Variants in LPP observed in about 807,000 individuals in gnomAD.
LPP encodes lipoma-preferred partner.
In LPP, 38 loss-of-function variants were observed where a neutral mutation model predicts 60.4. That is an observed-to-expected ratio of 0.63 (90% confidence interval 0.49 to 0.83). LPP has a LOEUF of 0.83. Among genes scored for constraint, LPP ranks in the 40% least tolerant of loss-of-function variants. The probability of loss-of-function intolerance (pLI) is 0.00; values close to 1 mark genes in which losing one functional copy is unlikely to be tolerated. For missense variants in LPP, 902 were observed against 783.6 expected, an observed-to-expected ratio of 1.15 and a Z score of -1.80; for synonymous variants, 328 against 290.8, an observed-to-expected ratio of 1.13 and a Z score of -1.30.
chr3:188,668,621 G>A (rs1856304407), intron 7 of LPP, among the ~76,000 whole-genome samples: 1 of 152,150 alleles, frequency 6.6e-6, no homozygotes, highest in South Asian at 2.1e-4. Context: ...TAGATCCTCA[G>A]GCTTCTCTGA....
intron 2 of LPP, among the ~76,000 whole-genome samples, chr3:188,240,688 A>T (rs1724194923): frequency 6.6e-6 from 1 of 152,194 alleles, no homozygotes. Flanking sequence ...AAGGCTGCTC[A>T]GGTGGGATAA....
intron 1 of LPP, among the ~76,000 whole-genome samples, chr3:188,193,743 G>A (rs182368969): frequency 1.6e-3 from 244 of 151,816 alleles, no homozygotes; most frequent in African/African-American, 5.1e-3. Flanking sequence ...CAAGTAGAAG[G>A]TTCTTTTTTT....
chr3:188,443,033 A>G (rs1216298255), intron 4 of LPP, among the ~76,000 whole-genome samples: 1 of 152,208 alleles, frequency 6.6e-6, no homozygotes, highest in African/African-American at 2.4e-5. Flanking sequence ...TCTGTTTTCA[A>G]AGGCAAGACA....
At chr3:188,866,424 G>A (rs1394512851) in intron 10 of LPP, 46 bp downstream of exon 10, 1 of 1,374,572 alleles carries the variant, frequency 7.3e-7, no homozygotes, top group South Asian at 1.9e-5. Context: ...TCCTTTTGGA[G>A]TCTGTTCTTA....
At chr3:188,718,891 TC>T (rs1715192680) in intron 8 of LPP, among the ~76,000 whole-genome samples, 2 of 152,208 alleles carry the variant, frequency 1.3e-5, no homozygotes, top group African/African-American at 4.8e-5. Context: ...GAAAACCTCT[TC>T]ATTTTTAGAG....
intron 3 of LPP, among the ~76,000 whole-genome samples, chr3:188,397,548 C>G (rs376098275): frequency 6.6e-6 from 1 of 151,968 alleles, no homozygotes; most frequent in Admixed American, 6.6e-5. Context: ...GTTTCCTTTT[C>G]GAGTGCCGTT....
In LPP at chr3:188,885,423, G is replaced by A. The variant is rs992164659; in HGVS notation, c.*10944G>A. On this transcript the variant is annotated 3_prime_UTR_variant, in exon 12 of 12. Transcript: ENST00000617246. ...GTCCTCATGCCTGAGGAATAAGGGC[G>A]ACATTAATGGGAGCGGGAGAGTGGT... 10 of 190,930 alleles carry A rather than the reference G, an allele frequency of 5.2e-5. No homozygotes were observed. Among genetic ancestry groups the A allele is most frequent in the East Asian group, 4.1e-4 (5 of 12,094 alleles). The allele number at this position is 190,930 out of a possible 1,614,324, so 11.8% of individuals were successfully genotyped here.
At chr3:188,768,993 A>G (rs1735004762) in intron 9 of LPP, among the ~76,000 whole-genome samples, 1 of 152,202 alleles carries the variant, frequency 6.6e-6, no homozygotes, top group Non-Finnish European at 1.5e-5. Flanking sequence ...GAGAACCTGA[A>G]AAATTTTAAA....
At chr3:188,483,224 CTG>C (rs1345265775) in intron 4 of LPP, among the ~76,000 whole-genome samples, 3 of 152,140 alleles carry the variant, frequency 2.0e-5, no homozygotes, top group Admixed American at 6.5e-5. Flanking sequence ...AATTCTAAGA[CTG>C]TTATTTATAA....
At position 188,757,889 on chromosome 3, in the gene LPP, G is replaced by GTTTTTTTTTTTTTTTTTTTTT. The variant is rs750488243; in HGVS notation, c.1241-2204_1241-2203insTTTTTTTTTTTTTTTTTTTTT. 1.7e-3 allele frequency among the ~76,000 whole-genome samples: 136 copies of GTTTTTTTTTTTTTTTTTTTTT among 78,676 alleles called. 3 individuals carry two copies. The highest frequency in any genetic ancestry group is 2.2e-3 in the Admixed American group (14 of 6,426). 51.6% of individuals were successfully genotyped at this position (78,676 alleles called of 152,430 possible). A position where few individuals can be genotyped will look rare whatever the true frequency, so the allele number is the denominator to read the frequency against. ...TTTTTTTTGTGGTTTTGTTTTTTTG[G>GTTTTTTTTTTTTTTTTTTTTT]TTTTTTTTTTTTTTTTTTTTCAGAA... is the stretch of plus-strand genomic sequence containing the variant. On this transcript the variant is annotated intron_variant, in intron 8 of 11. Transcript: ENST00000617246.
intron 3 of LPP, among the ~76,000 whole-genome samples, chr3:188,373,239 G>A (rs1009380566): frequency 2.0e-5 from 3 of 152,186 alleles, no homozygotes; most frequent in East Asian, 1.9e-4. Context: ...GGATGGCTGG[G>A]TCAAATGGTA....
At chr3:188,799,717 G>C (rs1746432677) in intron 9 of LPP, among the ~76,000 whole-genome samples, 1 of 152,148 alleles carries the variant, frequency 6.6e-6, no homozygotes, top group African/African-American at 2.4e-5. Context: ...GTTCAGAATA[G>C]TGTCTTGCAC....
intron 4 of LPP, among the ~76,000 whole-genome samples, chr3:188,479,204 T>G (rs1804066415): frequency 6.6e-6 from 1 of 152,210 alleles, no homozygotes; most frequent in Admixed American, 6.5e-5. Flanking sequence ...AAAGTTAACT[T>G]GTGGAGTATC....
chr3:188,626,683 G>A (rs974377338), intron 7 of LPP, among the ~76,000 whole-genome samples: 10 of 151,970 alleles, frequency 6.6e-5, no homozygotes, highest in African/African-American at 1.9e-4. Context: ...AACTCCAGTC[G>A]TATTGGATTA....
intron 7 of LPP, among the ~76,000 whole-genome samples, chr3:188,662,210 C>G (rs1854736678): frequency 6.6e-6 from 1 of 152,220 alleles, no homozygotes; most frequent in South Asian, 2.1e-4. Context: ...TCAAGGTGCT[C>G]AGCAGGTAAT....
At chr3:188,629,810 C>T (rs1172746153) in intron 7 of LPP, among the ~76,000 whole-genome samples, 1 of 152,080 alleles carries the variant, frequency 6.6e-6, no homozygotes, top group East Asian at 1.9e-4. Context: ...CCAGAGTCAT[C>T]ACAGTACCTG....
At chr3:188,826,249 A>G (rs1755448902) in intron 9 of LPP, among the ~76,000 whole-genome samples, 1 of 152,152 alleles carries the variant, frequency 6.6e-6, no homozygotes, top group Non-Finnish European at 1.5e-5. Flanking sequence ...TTGCAAGTGG[A>G]TCCAATATAT....
intron 2 of LPP, among the ~76,000 whole-genome samples, chr3:188,271,310 G>T (rs991397504): frequency 1.3e-5 from 2 of 152,324 alleles, no homozygotes; most frequent in South Asian, 2.1e-4. Context: ...ACACATAGTT[G>T]CAGGGACAGC....
chr3:188,384,377 C>T (rs1423168603), intron 3 of LPP, among the ~76,000 whole-genome samples: 9 of 150,684 alleles, frequency 6.0e-5, no homozygotes. Context: ...TACATGTGTA[C>T]ACACCATATA....
Sources: gnomAD v4.1 joint callset for allele counts (sites outside exome capture counted in the v4.1 genomes callset) on GRCh38, gnomAD v4.1.1 for gene constraint, MANE v1.5 for transcripts, NCBI Gene and HGNC (gene_info 2026-07-23, HGNC 2026-07-21) for gene names.